The following FRRS1L variants were observed in gnomAD, a reference collection of about 807,000 sequenced individuals.
The protein encoded by FRRS1L is ferric chelate reductase 1 like, also known as DOMON domain-containing protein FRRS1L.
Under a neutral mutation model 28.6 loss-of-function variants are expected in FRRS1L, and 22 were observed. That is an observed-to-expected ratio of 0.77 (90% CI 0.55 to 1.10). FRRS1L has a LOEUF of 1.10. FRRS1L is among the 50% of genes least tolerant of loss of function. FRRS1L has a pLI of 0.00. For missense variants in FRRS1L, 380 were observed against 386.9 expected, an observed-to-expected ratio of 0.98 and a Z score of 0.15; for synonymous variants, 158 against 151.4, an observed-to-expected ratio of 1.04 and a Z score of -0.32.
chr9:109,132,434 T>C lies in FRRS1L; in HGVS notation c.*5021A>G, dbSNP rs772268619. The C allele has an allele frequency of 7.9e-5, 12 of 152,200 alleles. No homozygotes were observed. Among genetic ancestry groups the C allele is most frequent in the Non-Finnish European group, 1.6e-4 (11 of 68,032 alleles). The allele number at this position is 152,200 out of a possible 1,614,324, so 9.4% of individuals were successfully genotyped here. A position where few individuals can be genotyped will look rare whatever the true frequency, so the allele number is the denominator to read the frequency against. ...GCTCTGTACTTTACTGCCACCACTT[T>C]TGCATCAATTCCAGAAAATATATTA... is the stretch of plus-strand genomic sequence containing the variant. On this transcript the variant is annotated 3_prime_UTR_variant, in exon 5 of 5. Transcript: ENST00000561981.
At chr9:109,142,161 A>G (rs999057530) in intron 3 of FRRS1L, among the ~76,000 whole-genome samples, 4 of 152,166 alleles carry the variant, frequency 2.6e-5, no homozygotes, top group Non-Finnish European at 5.9e-5. Context: ...TTAATAAACT[A>G]TATAATAAAA....
At chr9:109,139,587 A>C (rs1831155305) in intron 4 of FRRS1L, 1 of 152,246 alleles carries the variant, frequency 6.6e-6, no homozygotes, top group South Asian at 2.1e-4. Flanking sequence ...AAGGGGCAGA[A>C]CCAATACTCA....
intron 1 of FRRS1L, among the ~76,000 whole-genome samples, chr9:109,153,385 C>A (rs1409992984): frequency 6.6e-6 from 1 of 152,130 alleles, no homozygotes; most frequent in Non-Finnish European, 1.5e-5. Context: ...GACACTGCGG[C>A]CCAGTGCAGC....
chr9:109,141,305 G>A (rs1013247215), intron 4 of FRRS1L, 38 bp downstream of exon 4: 11 of 1,607,594 alleles, frequency 6.8e-6, no homozygotes, highest in East Asian at 2.2e-5. Flanking sequence ...GCACAGTGGT[G>A]TCTGGCGTTT....
chr9:109,137,367 A>G lies in FRRS1L; in HGVS notation c.*88T>C. On this transcript the variant is annotated 3_prime_UTR_variant, in exon 5 of 5. Coordinates refer to ENST00000561981, the MANE Select transcript of FRRS1L (RefSeq NM_014334.4). ...GAGGTTTTTTTTCTTAAATAATTGAAGCTAAAATTATACTGGATATTCTTT... is the reference window on the plus strand; with the variant it reads ...GAGGTTTTTTTTCTTAAATAATTGAGGCTAAAATTATACTGGATATTCTTT... 2.5e-6 allele frequency: 2 copies of G among 795,524 alleles called. No homozygotes were observed. The highest frequency in any genetic ancestry group is 3.6e-6 in the Non-Finnish European group (2 of 551,698). The allele number at this position is 795,524 out of a possible 1,614,324, so 49.3% of individuals were successfully genotyped here.
Position 109,135,315 on chromosome 9 carries a change from G to T in FRRS1L, c.*2140C>A, listed in dbSNP as rs773924222. 5 of 152,194 alleles carry T rather than the reference G, an allele frequency of 3.3e-5. No homozygotes were observed. The highest frequency in any genetic ancestry group is 6.5e-5 in the Admixed American group (1 of 15,278). The allele number at this position is 152,194 out of a possible 1,614,324, so 9.4% of individuals were successfully genotyped here. ...CTCAGCAGCACTAACTATACCTGCA[G>T]ACTTCTCTCCTCAAAATGGGCAGTT... On this transcript the variant is annotated 3_prime_UTR_variant, in exon 5 of 5. Coordinates refer to ENST00000561981, the MANE Select transcript of FRRS1L (RefSeq NM_014334.4).
chr9:109,161,181 A>G (rs1216049805), intron 1 of FRRS1L, among the ~76,000 whole-genome samples: 2 of 124,520 alleles, frequency 1.6e-5, no homozygotes, highest in African/African-American at 5.1e-5. Context: ...GTCTTGAGAC[A>G]TATGTGTTGA....
Position 109,133,457 on chromosome 9 carries a change from G to A in FRRS1L, c.*3998C>T, listed in dbSNP as rs1226257239. On this transcript the variant is annotated 3_prime_UTR_variant, in exon 5 of 5. Transcript: ENST00000561981. ...GAAAAAAGGCACCTAGCTAATTGGA[G>A]TATGGATAGTGGGTTCCATTTAATA... The A allele has an allele frequency of 2.6e-5, 4 of 152,228 alleles. No individual in the cohort carries two copies. The East Asian group carries it at 5.8e-4, about 22-fold the overall frequency. The allele number at this position is 152,228 out of a possible 1,614,324, so 9.4% of individuals were successfully genotyped here.
At chr9:109,152,534 G>A (rs996055805) in intron 1 of FRRS1L, among the ~76,000 whole-genome samples, 1 of 151,730 alleles carries the variant, frequency 6.6e-6, no homozygotes, top group East Asian at 1.9e-4. Flanking sequence ...GCTGGGCATG[G>A]TGGCTCACAC....
At chr9:109,164,774 T>C (rs1831525523) in intron 1 of FRRS1L, among the ~76,000 whole-genome samples, 1 of 152,126 alleles carries the variant, frequency 6.6e-6, no homozygotes, top group African/African-American at 2.4e-5. Flanking sequence ...ATGTGCAGAA[T>C]GGTGGGGGCG....
At chr9:109,160,518 C>T (rs892495932) in intron 1 of FRRS1L, among the ~76,000 whole-genome samples, 2 of 152,164 alleles carry the variant, frequency 1.3e-5, no homozygotes, top group African/African-American at 4.8e-5. Context: ...TCTCGTGTAG[C>T]TGGGACCACA....
intron 4 of FRRS1L, chr9:109,140,886 G>T: frequency 5.9e-6 from 1 of 169,526 alleles, no homozygotes; most frequent in Non-Finnish European, 1.3e-5. Flanking sequence ...AGTATTCATG[G>T]GCTTTGGGGT....
intron 1 of FRRS1L, among the ~76,000 whole-genome samples, chr9:109,162,646 T>C (rs1412522284): frequency 6.6e-6 from 1 of 152,190 alleles, no homozygotes; most frequent in Non-Finnish European, 1.5e-5. Context: ...TTGCTCTAAT[T>C]GGTATTATGA....
intron 2 of FRRS1L, chr9:109,147,838 G>A (rs1312617818): frequency 6.6e-6 from 1 of 152,186 alleles, no homozygotes; most frequent in Non-Finnish European, 1.5e-5. Flanking sequence ...ACTCTCTATA[G>A]CATGATGGCT....
intron 3 of FRRS1L, among the ~76,000 whole-genome samples, chr9:109,142,581 A>G (rs1481494202): frequency 6.6e-6 from 1 of 152,186 alleles, no homozygotes; most frequent in African/African-American, 2.4e-5. Context: ...TGGGAAGTCA[A>G]GACAGGAGGA....
At chr9:109,152,803 CAAAAAAAAAAAAAAAAAAAA>C (rs59385693) in intron 1 of FRRS1L, among the ~76,000 whole-genome samples, 487 of 24,112 alleles carry the variant, frequency 0.02, 4 homozygotes, top group Non-Finnish European at 0.023. Context: ...GACTCCATCT[CAAAAAAAAAAAAAAAAAAAA>C]AAAAAAAAAA....
Position 109,130,937 on chromosome 9 carries a change from G to C in FRRS1L, c.*6518C>G, listed in dbSNP as rs764730063. On this transcript the variant is annotated 3_prime_UTR_variant, in exon 5 of 5. Coordinates refer to ENST00000561981, the MANE Select transcript of FRRS1L (RefSeq NM_014334.4). ...ATCAGCCTAATAGCAAATATCCAGG[G>C]GAAAACTGAACACATTAATCAAGCA... The C allele has an allele frequency of 1.6e-4, 25 of 152,212 alleles. No homozygotes were observed. Among genetic ancestry groups the C allele is most frequent in the Non-Finnish European group, 2.9e-4 (20 of 68,026 alleles). The allele number at this position is 152,212 out of a possible 1,614,324, so 9.4% of individuals were successfully genotyped here.
chr9:109,141,016 G>A, intron 4 of FRRS1L: 1 of 330,340 alleles, frequency 3.0e-6, no homozygotes, highest in African/African-American at 2.1e-5. Flanking sequence ...GACATGGTGA[G>A]GAGTAAATAA....
chr9:109,160,791 CTT>C (rs750103312), intron 1 of FRRS1L, among the ~76,000 whole-genome samples: 115 of 114,370 alleles, frequency 1.0e-3, no homozygotes, highest in Middle Eastern at 4.7e-3. Flanking sequence ...AGAAAGAAAT[CTT>C]TTTTTTTTTT....
Sources: allele counts gnomAD v4.1 joint callset (sites outside exome capture counted in the v4.1 genomes callset), GRCh38; gene constraint gnomAD v4.1.1; transcripts MANE v1.5; gene names NCBI Gene and HGNC (gene_info 2026-07-23, HGNC 2026-07-21).